The following RAF1 variants were observed in gnomAD, a reference collection of about 807,000 sequenced individuals.
RAF1 encodes Raf-1 proto-oncogene, serine/threonine kinase.
A neutral mutation model predicts 81.1 loss-of-function variants in RAF1; 27 were observed. The ratio of observed to expected loss-of-function variants is 0.33; its 90% CI spans 0.25 to 0.46. The LOEUF (loss-of-function observed/expected upper bound fraction) is 0.46, where lower values mean the gene tolerates loss of function less well. Among genes scored for constraint, RAF1 ranks in the 20% least tolerant of loss-of-function variants. The pLI, the probability that RAF1 is intolerant of heterozygous loss-of-function variation, is 1.00. For synonymous variants in RAF1, 298 were observed against 294.0 expected (o/e 1.01, Z -0.14); for missense variants, 598 against 826.0 (o/e 0.72, Z 3.38).
intron 1 of RAF1, among the ~76,000 whole-genome samples, chr3:12,653,923 G>A (rs2060607629): frequency 6.6e-6 from 1 of 151,698 alleles, no homozygotes; most frequent in Non-Finnish European, 1.5e-5. Context: ...GACTTATACA[G>A]TAGATGCAGG....
intron 2 of RAF1, among the ~76,000 whole-genome samples, chr3:12,615,397 C>T (rs1356420312): frequency 6.6e-6 from 1 of 152,204 alleles, no homozygotes; most frequent in Non-Finnish European, 1.5e-5. Flanking sequence ...CTCCTCTTTA[C>T]AGCCCTCCAT....
At chr3:12,622,354 G>T (rs1023530309) in intron 1 of RAF1, among the ~76,000 whole-genome samples, 14 of 152,172 alleles carry the variant, frequency 9.2e-5, no homozygotes, top group Non-Finnish European at 2.9e-5. Context: ...GCAACTCATT[G>T]TGTCACTCCC....
intron 1 of RAF1, among the ~76,000 whole-genome samples, chr3:12,660,021 T>C (rs1016932656): frequency 1.3e-5 from 2 of 152,166 alleles, no homozygotes; most frequent in Non-Finnish European, 2.9e-5. Context: ...AGTTATCAAT[T>C]ATATTTTTTA....
chr3:12,626,019 A>G (rs2059691204), intron 1 of RAF1, among the ~76,000 whole-genome samples: 1 of 151,930 alleles, frequency 6.6e-6, no homozygotes, highest in Non-Finnish European at 1.5e-5. Flanking sequence ...TAATCCCAGC[A>G]CTTTGGGAGG....
chr3:12,609,968 C>G (rs1006637414), intron 3 of RAF1, among the ~76,000 whole-genome samples: 3 of 152,120 alleles, frequency 2.0e-5, no homozygotes, highest in African/African-American at 7.2e-5. Flanking sequence ...TAGAAAGGAA[C>G]CACAAATGAA....
chr3:12,596,716 T>C (rs1448024745), intron 11 of RAF1, among the ~76,000 whole-genome samples: 2 of 152,168 alleles, frequency 1.3e-5, no homozygotes, highest in African/African-American at 4.8e-5. Context: ...AGATATACTG[T>C]ATACAGGAAC....
chr3:12,591,187 T>C (rs2058504691), intron 12 of RAF1, among the ~76,000 whole-genome samples: 1 of 152,154 alleles, frequency 6.6e-6, no homozygotes, highest in East Asian at 1.9e-4. Flanking sequence ...GGCCATCAGT[T>C]CAGTGCCAGC....
At chr3:12,593,348 T>C (rs1446425387) in intron 11 of RAF1, among the ~76,000 whole-genome samples, 1 of 152,124 alleles carries the variant, frequency 6.6e-6, no homozygotes, top group Non-Finnish European at 1.5e-5. Flanking sequence ...CCTGGAGTGC[T>C]GGGATTACAA....
intron 1 of RAF1, among the ~76,000 whole-genome samples, chr3:12,659,947 A>G (rs565380619): frequency 5.3e-5 from 8 of 152,286 alleles, no homozygotes; most frequent in Admixed American, 3.9e-4. Flanking sequence ...ACAAAGATTT[A>G]CCTGAAATTT....
intron 1 of RAF1, among the ~76,000 whole-genome samples, chr3:12,646,632 C>G (rs111560125): frequency 0.054 from 8,214 of 151,534 alleles, 316 homozygotes; most frequent in Non-Finnish European, 0.083. Flanking sequence ...CTCATTGCAA[C>G]CTCCACCTCC....
At chr3:12,632,324 CA>C (rs34396520) in intron 1 of RAF1, among the ~76,000 whole-genome samples, 28 of 123,380 alleles carry the variant, frequency 2.3e-4, no homozygotes, top group Admixed American at 6.0e-4. Context: ...AACTCCGTCT[CA>C]AAAAAAAAAA....
chr3:12,603,128 C>T (rs1251747117), intron 8 of RAF1, among the ~76,000 whole-genome samples: 2 of 152,052 alleles, frequency 1.3e-5, no homozygotes, highest in Non-Finnish European at 1.5e-5. Flanking sequence ...AATGGCTATT[C>T]ACAGGCACAA....
chr3:12,596,506 T>G (rs1049554324), intron 11 of RAF1, among the ~76,000 whole-genome samples: 9 of 152,006 alleles, frequency 5.9e-5, no homozygotes, highest in Non-Finnish European at 1.3e-4. Flanking sequence ...GATGCCAAAT[T>G]TAATGCCCAA....
chr3:12,641,064 G>A (rs1279289597), intron 1 of RAF1, among the ~76,000 whole-genome samples: 1 of 152,062 alleles, frequency 6.6e-6, no homozygotes, highest in Admixed American at 6.6e-5. Context: ...TCCTTTGTAG[G>A]GACATGGATA....
chr3:12,660,262 A>G (rs2060833737), intron 1 of RAF1, among the ~76,000 whole-genome samples: 1 of 151,830 alleles, frequency 6.6e-6, no homozygotes, highest in African/African-American at 2.4e-5. Context: ...CAGCTAAACC[A>G]AATCCCATAA....
chr3:12,655,215 T>C (rs1335258944), intron 1 of RAF1, among the ~76,000 whole-genome samples: 1 of 152,266 alleles, frequency 6.6e-6, no homozygotes, highest in East Asian at 1.9e-4. Context: ...CCCAAGTAGC[T>C]GGGATTACAG....
chr3:12,637,883 T>C (rs1401372390), intron 1 of RAF1, among the ~76,000 whole-genome samples: 1 of 152,002 alleles, frequency 6.6e-6, no homozygotes, highest in Non-Finnish European at 1.5e-5. Context: ...TTTGGACATA[T>C]TATTAAATAC....
At chr3:12,645,872 G>A (rs1490913311) in intron 1 of RAF1, among the ~76,000 whole-genome samples, 1 of 151,992 alleles carries the variant, frequency 6.6e-6, no homozygotes, top group African/African-American at 2.4e-5. Flanking sequence ...ACTGTGCCTG[G>A]CTTATTACAT....
intron 1 of RAF1, among the ~76,000 whole-genome samples, chr3:12,652,777 GT>G (rs1184430016): frequency 1.3e-5 from 2 of 151,414 alleles, no homozygotes; most frequent in African/African-American, 4.9e-5. Flanking sequence ...GTGAAACCCT[GT>G]CTCTACTAAA....
Sources: gnomAD v4.1 joint callset for allele counts (sites outside exome capture counted in the v4.1 genomes callset) on GRCh38, gnomAD v4.1.1 for gene constraint, MANE v1.5 for transcripts, NCBI Gene and HGNC (gene_info 2026-07-23, HGNC 2026-07-21) for gene names.